Variants in ATF7IP observed in about 807,000 individuals in gnomAD.
ATF7IP encodes activating transcription factor 7 interacting protein.
A neutral mutation model predicts 106.4 loss-of-function variants in ATF7IP; 23 were observed. That is an observed-to-expected ratio of 0.22 (90% CI 0.16 to 0.31). ATF7IP has a LOEUF of 0.31. ATF7IP is among the 10% of genes least tolerant of loss of function. The pLI is 1.00. For missense variants in ATF7IP, 1,334 were observed against 1,524.3 expected, an observed-to-expected ratio of 0.88 and a Z score of 2.08; for synonymous variants, 542 against 539.0, an observed-to-expected ratio of 1.01 and a Z score of -0.08.
intron 5 of ATF7IP, 123 bp from the exon 6 acceptor site, chr12:14,446,865 A>T: frequency 1.6e-6 from 1 of 606,568 alleles, no homozygotes; most frequent in Non-Finnish European, 2.6e-6. Flanking sequence ...TATTTTCTTT[A>T]CTCAGCTATC....
chr12:14,453,079 T>A (rs957894676), intron 6 of ATF7IP, among the ~76,000 whole-genome samples: 10 of 152,204 alleles, frequency 6.6e-5, no homozygotes, highest in African/African-American at 2.4e-4. Context: ...CGTGTTATCT[T>A]ATGGGAGTTC....
rs1254498370 is a variant in ATF7IP, at chr12:14,376,673, A to G, written c.-8+10846A>G. On this transcript the variant is annotated intron_variant, in intron 1 of 14. Transcript: ENST00000261168. Reference sequence around the variant, plus strand: ...TATCTTGGGGTTCTCTGAGATTCCCACATTTGTCAGTATTCCTGGTTTTTT... The same window carrying G: ...TATCTTGGGGTTCTCTGAGATTCCCGCATTTGTCAGTATTCCTGGTTTTTT... 2.6e-5 allele frequency among the ~76,000 whole-genome samples: 4 copies of G among 152,318 alleles called. No individual in the cohort carries two copies. The East Asian group carries it at 7.7e-4, about 29-fold the overall frequency.
intron 5 of ATF7IP, among the ~76,000 whole-genome samples, chr12:14,446,374 T>C (rs538518555): frequency 6.6e-6 from 1 of 152,076 alleles, no homozygotes; most frequent in East Asian, 1.9e-4. Flanking sequence ...TCTCGAACTC[T>C]TGGCCTTAGG....
Position 14,389,619 on chromosome 12 carries a change from G to C in ATF7IP, c.-8+23792G>C, listed in dbSNP as rs539412770. Among the ~76,000 whole-genome samples, 5 of 152,140 alleles carry C rather than the reference G, an allele frequency of 3.3e-5. No individual in the cohort carries two copies. The East Asian group carries it at 9.6e-4, about 29-fold the overall frequency. The stretch of plus-strand genomic sequence containing the variant: ...TAGTCACCAGCCCATTTCTCTAATT[G>C]TTTGTTTTTTGTTTTTTTTGTTTTT... On this transcript the variant is annotated intron_variant, in intron 1 of 14. Coordinates refer to ENST00000261168, the MANE Select transcript of ATF7IP (RefSeq NM_018179.5).
intron 10 of ATF7IP, among the ~76,000 whole-genome samples, chr12:14,470,552 T>G (rs1255631389): frequency 1.3e-5 from 2 of 152,142 alleles, no homozygotes; most frequent in Non-Finnish European, 2.9e-5. Flanking sequence ...AATAATAAGG[T>G]CTACAGTCAG....
At chr12:14,403,073 A>G (rs1940349049) in intron 1 of ATF7IP, among the ~76,000 whole-genome samples, 1 of 152,110 alleles carries the variant, frequency 6.6e-6, no homozygotes, top group Non-Finnish European at 1.5e-5. Flanking sequence ...TATCTGTGGT[A>G]TATTATTATG....
intron 9 of ATF7IP, among the ~76,000 whole-genome samples, chr12:14,465,225 AT>A (rs1472335832): frequency 2.6e-5 from 4 of 152,122 alleles, no homozygotes; most frequent in Admixed American, 6.5e-5. Flanking sequence ...AAGAAAAAAA[AT>A]AATAAATAAA....
At chr12:14,434,267 A>T (rs999644201) in intron 2 of ATF7IP, 70 bp from the exon 3 acceptor site, 1 of 989,028 alleles carries the variant, frequency 1.0e-6, no homozygotes, top group African/African-American at 1.6e-5. Flanking sequence ...ATAGTGACTA[A>T]AAATGTAAAT....
At position 14,438,120 on chromosome 12, in the gene ATF7IP, G is replaced by T. The variant is rs760402413; in HGVS notation, c.1792-10G>T. 1.2e-6 allele frequency: 2 copies of T among 1,606,008 alleles called. No individual in the cohort carries two copies. The highest frequency in any genetic ancestry group is 1.7e-6 in the Non-Finnish European group (2 of 1,176,774). Reference sequence around the variant, plus strand: ...TTCTTGGCATAATGAAGGAATATTTGTTTCTTTAGGTTATACAGTGGTTGC... The same window carrying T: ...TTCTTGGCATAATGAAGGAATATTTTTTTCTTTAGGTTATACAGTGGTTGC... On this transcript the variant is annotated splice_polypyrimidine_tract_variant and intron_variant, in intron 4 of 14. Transcript: ENST00000261168.
At chr12:14,489,730 T>C (rs1193702338) in intron 13 of ATF7IP, among the ~76,000 whole-genome samples, 1 of 152,172 alleles carries the variant, frequency 6.6e-6, no homozygotes, top group Non-Finnish European at 1.5e-5. Flanking sequence ...TTCAGGACAA[T>C]GGGGAACATG....
chr12:14,390,909 A>C (rs184223407), intron 1 of ATF7IP, among the ~76,000 whole-genome samples: 233 of 152,396 alleles, frequency 1.5e-3, no homozygotes, highest in Non-Finnish European at 2.5e-3. Context: ...CATTCAAATA[A>C]TACCACGACA....
rs1356136719 is a variant in ATF7IP at position 14,447,027 on chromosome 12, A to G, written c.1969A>G (p.Lys657Glu). The G allele has an allele frequency of 2.5e-6, 4 of 1,589,002 alleles. No homozygotes were observed. The highest frequency in any genetic ancestry group is 3.4e-6 in the Non-Finnish European group (4 of 1,170,928). The change falls in exon 6 of 15, where the codon AAA becomes GAA. Residue 657 changes from lysine (K) to glutamate (E), a missense_variant. Coordinates refer to ENST00000261168, the MANE Select transcript of ATF7IP (RefSeq NM_018179.5). ...ARLTKRFEAAKEDLKKRHEHP... is the reference protein window; with the variant it reads ...ARLTKRFEAAEEDLKKRHEHP... The stretch of plus-strand genomic sequence containing the variant: ...GTTAACCAAACGCTTTGAAGCAGCC[A>G]AAGAAGATCTTAAGAAAAGACATGA...
At chr12:14,463,351 G>A (rs1943711377) in intron 9 of ATF7IP, among the ~76,000 whole-genome samples, 1 of 152,034 alleles carries the variant, frequency 6.6e-6, no homozygotes, top group South Asian at 2.1e-4. Context: ...TGTCCTAAGG[G>A]CTTGGAAATT....
chr12:14,493,736 A>G (rs1247278291), intron 13 of ATF7IP, among the ~76,000 whole-genome samples: 1 of 152,070 alleles, frequency 6.6e-6, no homozygotes, highest in African/African-American at 2.4e-5. Context: ...AAGGCTGTGC[A>G]TGTATCTTTC....
At chr12:14,461,463 A>G (rs1294522729) in intron 9 of ATF7IP, among the ~76,000 whole-genome samples, 2 of 152,190 alleles carry the variant, frequency 1.3e-5, no homozygotes, top group Non-Finnish European at 2.9e-5. Flanking sequence ...CGTTTAAAAC[A>G]TTTTAAAGTA....
chr12:14,374,485 A>G (rs538400802), intron 1 of ATF7IP, among the ~76,000 whole-genome samples: 4 of 152,178 alleles, frequency 2.6e-5, no homozygotes, highest in South Asian at 2.1e-4. Flanking sequence ...CTCTGCATAT[A>G]GGCAAAACTT....
chr12:14,399,623 C>CT (rs1368826726), intron 1 of ATF7IP, among the ~76,000 whole-genome samples: 23 of 142,112 alleles, frequency 1.6e-4, no homozygotes, highest in Middle Eastern at 3.3e-3. Context: ...TTTCTTGTTT[C>CT]TTTTTTTTTA....
intron 12 of ATF7IP, among the ~76,000 whole-genome samples, chr12:14,480,102 TTA>T (rs1382171102): frequency 2.0e-5 from 3 of 152,148 alleles, no homozygotes; most frequent in Non-Finnish European, 4.4e-5. Flanking sequence ...TGAAGAGTCT[TTA>T]GTAAAGAAAC....
At chr12:14,380,315 A>G (rs959793924) in intron 1 of ATF7IP, among the ~76,000 whole-genome samples, 8 of 152,122 alleles carry the variant, frequency 5.3e-5, no homozygotes, top group African/African-American at 1.9e-4. Context: ...ACTTTTCTCA[A>G]TTGCCTTCCT....
Sources: allele counts gnomAD v4.1 joint callset (sites outside exome capture counted in the v4.1 genomes callset), GRCh38; gene constraint gnomAD v4.1.1; transcripts MANE v1.5; gene names NCBI Gene and HGNC (gene_info 2026-07-23, HGNC 2026-07-21).